Variants in CILP2 observed in about 807,000 individuals in gnomAD.
CILP2 encodes the protein CILP-2.
Under a neutral mutation model 45.6 loss-of-function variants are expected in CILP2, and 38 were observed. The observed-to-expected ratio is 0.83, with a 90% CI of 0.64 to 1.09. The LOEUF is 1.09. Ranked by LOEUF, CILP2 falls within the 50% of genes least tolerant of loss-of-function variation. The pLI, the probability that CILP2 is intolerant of heterozygous loss-of-function variation, is 0.00. For missense variants in CILP2, 1,735 were observed against 1,662.2 expected (o/e 1.04, Z -0.76); for synonymous variants, 780 against 723.5 (o/e 1.08, Z -1.25).
At chr19:19,540,976 C>T in intron 3 of CILP2, 115 bp from the exon 4 acceptor site, 1 of 996,510 alleles carries the variant, frequency 1.0e-6, no homozygotes, top group Non-Finnish European at 1.3e-6. Context: ...AGTGTCCGCC[C>T]TTGGATGCAC....
Position 19,541,121 on chromosome 19 carries a change from G to T in CILP2, c.467G>T (p.Gly156Val). 2 of 1,261,282 alleles carry T rather than the reference G, an allele frequency of 1.6e-6. No homozygotes were observed. Among genetic ancestry groups the T allele is most frequent in the Non-Finnish European group, 1.0e-6 (1 of 1,003,134 alleles). 78.1% of individuals were successfully genotyped at this position (1,261,282 alleles called of 1,614,324 possible). Residue 156 changes from glycine (G) to valine (V), a missense_variant, in exon 4 of 8, where the codon GGT becomes GTT. Coordinates refer to ENST00000291495, the MANE Select transcript of CILP2 (RefSeq NM_153221.2). ...EASWGAWGPW[G>V]PCSGSCGPGR... ...TCGTGGGGCGCGTGGGGCCCGTGGG[G>T]TCCCTGCTCGGGGAGCTGTGGGCCA...
chr19:19,544,915 C>T lies in CILP2; in HGVS notation c.2370C>T (p.Gly790=), dbSNP rs755706277. 3.1e-6 allele frequency: 5 copies of T among 1,589,292 alleles called. No individual in the cohort carries two copies. Among genetic ancestry groups the T allele is most frequent in the Non-Finnish European group, 4.3e-6 (5 of 1,175,564 alleles). The part of the protein sequence containing the change: ...RFDSAVTGPN[G]ACLPAFCDAD... The stretch of plus-strand genomic sequence containing the variant: ...ACAGCGCGGTCACCGGCCCCAATGG[C>T]GCCTGCCTCCCCGCCTTCTGCGACG... The change falls in exon 8 of 8, where the codon GGC becomes GGT. Residue 790 remains glycine (G), a synonymous_variant. Coordinates refer to ENST00000291495, the MANE Select transcript of CILP2 (RefSeq NM_153221.2).
chr19:19,543,192 G>A, intron 6 of CILP2, 56 bp from the exon 7 acceptor site: 3 of 1,554,540 alleles, frequency 1.9e-6, no homozygotes, highest in Non-Finnish European at 2.6e-6. Context: ...CCTGCAGACT[G>A]GGGGCAACAC....
rs1472797384 is a variant in CILP2, at chr19:19,545,102, G to A, written c.2557G>A (p.Ala853Thr). 2 of 1,611,362 alleles carry A rather than the reference G, an allele frequency of 1.2e-6. No homozygotes were observed. Among genetic ancestry groups the A allele is most frequent in the South Asian group, 1.1e-5 (1 of 90,960 alleles). Reference protein sequence around the residue: ...GYRRTDHDDPAFKRNGFRINL... With the variant: ...GYRRTDHDDPTFKRNGFRINL... ...CCGTCGGACGGACCACGACGATCCC[G>A]CCTTCAAGCGTAACGGCTTCCGCAT... The change falls in exon 8 of 8, where the codon GCC (alanine) becomes ACC (threonine). Residue 853 changes from alanine to threonine, a missense_variant. Physicochemically the swap from Ala to Thr is moderately conservative, Grantham distance 58 (BLOSUM62 0). Transcript: ENST00000291495.
rs1326686762 is a variant in CILP2 at position 19,545,249 on chromosome 19, G to T, written c.2704G>T (p.Val902Leu). 6.2e-7 allele frequency: 1 copy of T among 1,612,480 alleles called. No individual in the cohort carries two copies. Among genetic ancestry groups the T allele is most frequent in the East Asian group, 2.2e-5 (1 of 44,862 alleles). ...TGCCAGCCACTTCCGCTTCGCCAGGGTGGAGGCGGACAAGTACGAGTACAA... is the reference window on the plus strand; with the variant it reads ...TGCCAGCCACTTCCGCTTCGCCAGGTTGGAGGCGGACAAGTACGAGTACAA... Reference protein sequence around the residue: ...VTASHFRFARVEADKYEYNVV... With the variant: ...VTASHFRFARLEADKYEYNVV... Residue 902 changes from valine to leucine, a missense_variant, in exon 8 of 8, where the codon GTG becomes TTG. Val to Leu is a conservative substitution (Grantham distance 32, BLOSUM62 1). Coordinates refer to ENST00000291495, the MANE Select transcript of CILP2 (RefSeq NM_153221.2).
At position 19,544,467 on chromosome 19, in the gene CILP2, G is replaced by A. The variant is rs1420415587; in HGVS notation, c.1922G>A (p.Gly641Asp). 1.2e-6 allele frequency: 2 copies of A among 1,608,368 alleles called. No homozygotes were observed. Among genetic ancestry groups the A allele is most frequent in the Middle Eastern group, 1.7e-4 (1 of 6,054 alleles). The change falls in exon 8 of 8, where the codon GGC becomes GAC. Residue 641 changes from glycine to aspartate, a missense_variant. Physicochemically the swap from Gly to Asp is moderately conservative, Grantham distance 94. Transcript: ENST00000291495. ...GAGCTGGCTCCACTGCGCACCTACG[G>A]CATGTTCTCCGTGGACCTCCGTGCG... is the stretch of plus-strand genomic sequence containing the variant. The part of the protein sequence containing the change: ...DGELAPLRTY[G>D]MFSVDLRAPG...
At chr19:19,540,090 C>T (rs2061237932) in intron 2 of CILP2, 114 bp from the exon 3 acceptor site, 3 of 1,359,338 alleles carry the variant, frequency 2.2e-6, no homozygotes, top group Non-Finnish European at 2.9e-6. Context: ...TGGGCGCGCT[C>T]GGCTAGCCGG....
chr19:19,544,882 C>A lies in CILP2; in HGVS notation c.2337C>A (p.Gly779=), dbSNP rs779353240. The A allele has an allele frequency of 1.9e-6, 3 of 1,589,600 alleles. No homozygotes were observed. Among genetic ancestry groups the A allele is most frequent in the Admixed American group, 3.5e-5 (2 of 57,408 alleles). ...TCTCCGCCAACCCCCGTGCCTGGGG[C>A]CGCTTTGACAGCGCGGTCACCGGCC... The part of the protein sequence containing the change: ...PGFSANPRAW[G]RFDSAVTGPN... The change falls in exon 8 of 8, where the codon GGC becomes GGA. Residue 779 remains glycine (G), a synonymous_variant. Transcript: ENST00000291495.
chr19:19,542,835 G>T (rs758208409), intron 5 of CILP2, 29 bp from the exon 6 acceptor site: 1 of 1,582,060 alleles, frequency 6.3e-7, no homozygotes, highest in Non-Finnish European at 8.7e-7. Context: ...GGTGGGAGAA[G>T]CTCTGATCTT....
At chr19:19,540,536 G>T in intron 3 of CILP2, 60 bp downstream of exon 3, 3 of 1,333,576 alleles carry the variant, frequency 2.2e-6, no homozygotes, top group South Asian at 1.7e-5. Context: ...GGCGAACGCC[G>T]GGAAGAGTCG....
chr19:19,546,252 C>T lies in CILP2; in HGVS notation c.*236C>T, dbSNP rs1277861817. 1 of 381,552 alleles carries T rather than the reference C, an allele frequency of 2.6e-6. No individual in the cohort carries two copies. The highest frequency in any genetic ancestry group is 2.1e-5 in the African/African-American group (1 of 48,420). The allele number at this position is 381,552 out of a possible 1,614,324, so 23.6% of individuals were successfully genotyped here. ...TTTGCGGTGACTCTGGGGCCAGCAC[C>T]CAGGGGACGACGTTCAACCCTAGCC... On this transcript the variant is annotated 3_prime_UTR_variant, in exon 8 of 8. Transcript: ENST00000291495.
intron 1 of CILP2, among the ~76,000 whole-genome samples, chr19:19,538,962 C>T (rs1294032725): frequency 6.6e-6 from 1 of 152,214 alleles, no homozygotes; most frequent in East Asian, 1.9e-4. Context: ...GGAAGACAGA[C>T]TAAGGGAGGG....
At chr19:19,543,479 C>T (rs2061251795) in intron 7 of CILP2, 74 bp downstream of exon 7, 1 of 1,553,168 alleles carries the variant, frequency 6.4e-7, no homozygotes, top group South Asian at 1.2e-5. Context: ...AGCTCAACCC[C>T]AAATGGAGCC....
chr19:19,544,016 G>T lies in CILP2; in HGVS notation c.1471G>T (p.Ala491Ser), dbSNP rs563378304. The change falls in exon 8 of 8, where the codon GCC becomes TCC. Residue 491 changes from alanine (A) to serine (S), a missense_variant. Ala to Ser is a moderately conservative substitution (Grantham distance 99). Transcript: ENST00000291495. ...AADSGEPLRF[A>S]RILLGQEPIG... Reference sequence around the variant, plus strand: ...TGACTCCGGGGAGCCGCTACGCTTCGCCAGGATTCTGCTGGGCCAGGAGCC... The same window carrying T: ...TGACTCCGGGGAGCCGCTACGCTTCTCCAGGATTCTGCTGGGCCAGGAGCC... The T allele has an allele frequency of 1.9e-6, 3 of 1,613,740 alleles. No individual in the cohort carries two copies. Among genetic ancestry groups the T allele is most frequent in the Admixed American group, 3.3e-5 (2 of 60,028 alleles).
Position 19,546,064 on chromosome 19 carries a change from C to T in CILP2, c.*48C>T. 2 of 1,371,570 alleles carry T rather than the reference C, an allele frequency of 1.5e-6. No individual in the cohort carries two copies. Among genetic ancestry groups the T allele is most frequent in the Non-Finnish European group, 1.9e-6 (2 of 1,062,402 alleles). 85.0% of individuals were successfully genotyped at this position (1,371,570 alleles called of 1,614,324 possible). On this transcript the variant is annotated 3_prime_UTR_variant, in exon 8 of 8. Transcript: ENST00000291495. Reference sequence around the variant, plus strand: ...CCACCTCCCTCCAGACTCCTTTGACCCCAGGAAGTTTTGCCCCTCCTTCTT... The same window carrying T: ...CCACCTCCCTCCAGACTCCTTTGACTCCAGGAAGTTTTGCCCCTCCTTCTT...
At position 19,543,900 on chromosome 19, in the gene CILP2, G is replaced by A; in HGVS notation, c.1355G>A (p.Gly452Asp). Residue 452 changes from glycine (G) to aspartate (D), a missense_variant, in exon 8 of 8, where the codon GGC becomes GAC. Transcript: ENST00000291495. ...GAGAGAAGGGAGATTCACTGCCCTG[G>A]CTACGTCCTCCCAGTGAAGGTGGTG... ...RLERREIHCP[G>D]YVLPVKVVAE... 11 of 1,613,792 alleles carry A rather than the reference G, an allele frequency of 6.8e-6. No individual in the cohort carries two copies. Among genetic ancestry groups the A allele is most frequent in the Non-Finnish European group, 9.3e-6 (11 of 1,179,770 alleles).
rs201486998 is a variant in CILP2 at position 19,542,548 on chromosome 19, C to A, written c.766C>A (p.Arg256Ser). The part of the protein sequence containing the change: ...FRVPGVCADS[R>S]ANIRAQMDGF... ...GGTGCCTGGTGTCTGTGCTGACAGC[C>A]GCGCCAACATCAGGGCCCAGATGGA... The change falls in exon 5 of 8, where the codon CGC (arginine) becomes AGC (serine). Residue 256 changes from arginine (R) to serine (S), a missense_variant. By Grantham distance (110) the Arg-to-Ser change is moderately radical (BLOSUM62 -1). Transcript: ENST00000291495. 1.2e-6 allele frequency: 2 copies of A among 1,614,036 alleles called. No individual in the cohort carries two copies. The highest frequency in any genetic ancestry group is 1.1e-5 in the South Asian group (1 of 91,078).
In CILP2 at chr19:19,544,046, G is replaced by C. The variant is rs2144678739; in HGVS notation, c.1501G>C (p.Gly501Arg). The C allele has an allele frequency of 1.2e-6, 2 of 1,613,876 alleles. No individual in the cohort carries two copies. The highest frequency in any genetic ancestry group is 2.2e-5 in the East Asian group (1 of 44,874). Residue 501 changes from glycine to arginine, a missense_variant, in exon 8 of 8, where the codon GGC becomes CGC. Physicochemically the swap from Gly to Arg is moderately radical, Grantham distance 125. Coordinates refer to ENST00000291495, the MANE Select transcript of CILP2 (RefSeq NM_153221.2). ...GATTCTGCTGGGCCAGGAGCCCATC[G>C]GCTTCACCGCCTACCAGGGCGACTT... ...ARILLGQEPI[G>R]FTAYQGDFTI... is the part of the protein sequence containing the mutation.
At chr19:19,543,518 C>A in intron 7 of CILP2, 113 bp downstream of exon 7, 1 of 1,400,378 alleles carries the variant, frequency 7.1e-7, no homozygotes, top group Non-Finnish European at 9.9e-7. Flanking sequence ...AATCCTAGGC[C>A]TCCACTGAGC....
Sources: gnomAD v4.1 joint callset for allele counts (sites outside exome capture counted in the v4.1 genomes callset) on GRCh38, gnomAD v4.1.1 for gene constraint, MANE v1.5 for transcripts, NCBI Gene and HGNC (gene_info 2026-07-23, HGNC 2026-07-21) for gene names.